INPP4B: variants seen among roughly 807,000 people sequenced by gnomAD.
The protein encoded by INPP4B is inositol polyphosphate 4-phosphatase type II.
In INPP4B, 55 loss-of-function variants were observed where a neutral mutation model predicts 122.5. That is an observed-to-expected ratio of 0.45 (90% CI 0.36 to 0.56). The LOEUF (loss-of-function observed/expected upper bound fraction) is 0.56. Ranked by LOEUF, INPP4B falls within the 20% of genes least tolerant of loss-of-function variation. The pLI is 0.00. For synonymous variants in INPP4B, 403 were observed against 388.7 expected (o/e 1.04, Z -0.43); for missense variants, 1,000 against 1,097.7 (o/e 0.91, Z 1.26).
At chr4:142,617,356 A>T (rs1743935239) in intron 2 of INPP4B, among the ~76,000 whole-genome samples, 2 of 152,094 alleles carry the variant, frequency 1.3e-5, no homozygotes, top group African/African-American at 4.8e-5. Flanking sequence ...ACTCACACAC[A>T]TGCATAGCTG....
chr4:142,105,451 C>T (rs1275123398), intron 23 of INPP4B, among the ~76,000 whole-genome samples: 3 of 152,042 alleles, frequency 2.0e-5, no homozygotes. Context: ...ACTAAAATTG[C>T]TACAAATATA....
At chr4:142,556,217 CAT>C (rs2150099191) in intron 2 of INPP4B, among the ~76,000 whole-genome samples, 1 of 152,274 alleles carries the variant, frequency 6.6e-6, no homozygotes, top group Non-Finnish European at 1.5e-5. Flanking sequence ...GCATGAGTCA[CAT>C]GAGTCTCTTC....
At position 142,082,156 on chromosome 4, in the gene INPP4B, G is replaced by A. The variant is rs1774225811; in HGVS notation, c.2517C>T (p.Phe839=). Residue 839 remains phenylalanine (F), a synonymous_variant, in exon 25 of 26, where the codon TTC becomes TTT. Transcript: ENST00000262992. ...TICRKLNGIR[F]TCCKSAKDRT... ...TGTCTTTGGCACTTTTACAACAGGT[G>A]AAACGAATACCATTCAGTTTGCGGC... 6 of 1,531,724 alleles carry A rather than the reference G, an allele frequency of 3.9e-6. No homozygotes were observed. Among genetic ancestry groups the A allele is most frequent in the Non-Finnish European group, 5.4e-6 (6 of 1,120,560 alleles). The allele number at this position is 1,531,724 out of a possible 1,614,324, so 94.9% of individuals were successfully genotyped here. A position where few individuals can be genotyped will look rare whatever the true frequency, so the allele number is the denominator to read the frequency against.
intron 15 of INPP4B, among the ~76,000 whole-genome samples, chr4:142,192,341 A>AC: frequency 7.2e-6 from 1 of 138,362 alleles, no homozygotes; most frequent in Admixed American, 7.6e-5. Context: ...AGTAAAAAAA[A>AC]AAAAAAAAAA....
chr4:142,554,365 T>TAAAAAAAA (rs11363091), intron 2 of INPP4B, among the ~76,000 whole-genome samples: 1 of 123,524 alleles, frequency 8.1e-6, no homozygotes. Flanking sequence ...CTTGCAATAG[T>TAAAAAAAA]AAAAAAAAAA....
intron 14 of INPP4B, among the ~76,000 whole-genome samples, chr4:142,197,126 CAAAAAAAA>C (rs376793889): frequency 3.0e-5 from 2 of 67,238 alleles, no homozygotes; most frequent in Middle Eastern, 0.014. Context: ...AACTCCGTCT[CAAAAAAAA>C]AAAAAAAAAA....
intron 5 of INPP4B, among the ~76,000 whole-genome samples, chr4:142,419,816 G>T (rs907035373): frequency 6.6e-6 from 1 of 152,062 alleles, no homozygotes; most frequent in African/African-American, 2.4e-5. Context: ...CAAGAAGACT[G>T]ACTGACAAAT....
chr4:142,193,045 T>C (rs563179998), intron 15 of INPP4B, 42 bp downstream of exon 15: 3 of 1,174,114 alleles, frequency 2.6e-6, no homozygotes, highest in South Asian at 2.5e-5. Flanking sequence ...AAAGGGGAGA[T>C]GTTATTAATG....
intron 2 of INPP4B, among the ~76,000 whole-genome samples, chr4:142,524,166 T>C (rs1038549447): frequency 1.3e-5 from 2 of 152,074 alleles, no homozygotes; most frequent in Non-Finnish European, 2.9e-5. Flanking sequence ...CCTTTGGGTA[T>C]ATACCCAGTA....
rs888265766 is a variant in INPP4B at position 142,103,795 on chromosome 4, T to C, written c.2374+4298A>G. 3.3e-5 allele frequency among the ~76,000 whole-genome samples: 5 copies of C among 151,678 alleles called. No individual in the cohort carries two copies. In the South Asian group the frequency reaches 1.0e-3, roughly 31 times the overall value. The stretch of plus-strand genomic sequence containing the variant: ...TTTAATGTGAGGCTTACAGTAAAAA[T>C]TGTTCATAAACACACACACACATAC... On this transcript the variant is annotated intron_variant, in intron 23 of 25. Coordinates refer to ENST00000262992, the MANE Select transcript of INPP4B (RefSeq NM_001101669.3).
chr4:142,346,185 G>A (rs1561900482), intron 7 of INPP4B, among the ~76,000 whole-genome samples: 1 of 151,970 alleles, frequency 6.6e-6, no homozygotes, highest in African/African-American at 2.4e-5. Context: ...TGCAGCCTAG[G>A]GATTTATGAA....
rs1788496386 is a variant in INPP4B, at chr4:142,368,677, G to A, written c.372+34261C>T. Among the ~76,000 whole-genome samples, 10 of 151,534 alleles carry A rather than the reference G, an allele frequency of 6.6e-5. No homozygotes were observed. In the South Asian group the frequency reaches 2.1e-3, roughly 32 times the overall value. On this transcript the variant is annotated intron_variant, in intron 7 of 25. Coordinates refer to ENST00000262992, the MANE Select transcript of INPP4B (RefSeq NM_001101669.3). ...TGTATGTTTGTATAAACTGTTATGG[G>A]ATGAGAGAAAATGATGACCTAAATT...
intron 23 of INPP4B, among the ~76,000 whole-genome samples, chr4:142,104,121 C>T (rs116822824): frequency 0.011 from 1,649 of 152,070 alleles, 28 homozygotes; most frequent in African/African-American, 0.037. Flanking sequence ...AGATAAAGCA[C>T]AAAAGATATG....
At chr4:142,078,534 ATAG>A (rs1772096532) in intron 25 of INPP4B, among the ~76,000 whole-genome samples, 1 of 152,054 alleles carries the variant, frequency 6.6e-6, no homozygotes, top group Non-Finnish European at 1.5e-5. Context: ...TACTGGAAAT[ATAG>A]TAGTGAACAA....
intron 1 of INPP4B, among the ~76,000 whole-genome samples, chr4:142,732,679 T>A (rs1200441246): frequency 2.0e-5 from 3 of 151,942 alleles, no homozygotes; most frequent in Admixed American, 1.3e-4. Context: ...TTAAAGGAAA[T>A]AAAGCAAACA....
chr4:142,073,692 C>A (rs546074588), intron 25 of INPP4B, among the ~76,000 whole-genome samples: 1 of 152,154 alleles, frequency 6.6e-6, no homozygotes, highest in South Asian at 2.1e-4. Context: ...TAGGACAAGG[C>A]AGATGGTGTT....
chr4:142,685,592 G>A (rs994861493), intron 2 of INPP4B, among the ~76,000 whole-genome samples: 4 of 151,886 alleles, frequency 2.6e-5, no homozygotes, highest in African/African-American at 9.7e-5. Context: ...GTTATACTTG[G>A]TATAAATTTA....
At chr4:142,479,682 C>T (rs1820261730) in intron 2 of INPP4B, among the ~76,000 whole-genome samples, 1 of 152,078 alleles carries the variant, frequency 6.6e-6, no homozygotes, top group Non-Finnish European at 1.5e-5. Context: ...AGCTGAAAGT[C>T]ATAATCCTAA....
chr4:142,263,556 G>A (rs565339731), intron 10 of INPP4B, among the ~76,000 whole-genome samples: 7 of 145,506 alleles, frequency 4.8e-5, no homozygotes, highest in African/African-American at 1.8e-4. Context: ...GATAAAGGAG[G>A]GAACGAAAAT....
Sources: allele counts gnomAD v4.1 joint callset (sites outside exome capture counted in the v4.1 genomes callset), GRCh38; gene constraint gnomAD v4.1.1; transcripts MANE v1.5; gene names NCBI Gene and HGNC (gene_info 2026-07-23, HGNC 2026-07-21).